Variants in RPS6KA5 observed in about 807,000 individuals in gnomAD.
The protein encoded by RPS6KA5 is ribosomal protein S6 kinase A5, also known as ribosomal protein S6 kinase alpha-5.
A neutral mutation model predicts 85.5 loss-of-function variants in RPS6KA5; 27 were observed. The ratio of observed to expected loss-of-function variants is 0.32; its 90% CI spans 0.23 to 0.44. RPS6KA5 has a LOEUF of 0.44. Among genes scored for constraint, RPS6KA5 ranks in the 20% least tolerant of loss-of-function variants. The probability of loss-of-function intolerance (pLI) is 1.00; values close to 1 mark genes in which losing one functional copy is unlikely to be tolerated. For synonymous variants in RPS6KA5, 334 were observed against 348.2 expected, an observed-to-expected ratio of 0.96 and a Z score of 0.46; for missense variants, 811 against 980.9, an observed-to-expected ratio of 0.83 and a Z score of 2.31.
rs183068871 is a variant in RPS6KA5, at chr14:90,919,114, C to T, written c.806+1092G>A. 1.9e-3 allele frequency among the ~76,000 whole-genome samples: 294 copies of T among 152,280 alleles called. 3 individuals are homozygous for T. Among genetic ancestry groups the T allele is most frequent in the Non-Finnish European group, 3.2e-3 (215 of 68,020 alleles). ...CACTCAATTGAATACCTCTGCACAC[C>T]TCTGGACTTCCCTCTGGGTGCCACT... On this transcript the variant is annotated intron_variant, in intron 7 of 16. Transcript: ENST00000614987.
At chr14:91,024,757 A>T (rs2041921582) in intron 1 of RPS6KA5, among the ~76,000 whole-genome samples, 1 of 152,134 alleles carries the variant, frequency 6.6e-6, no homozygotes. Context: ...TAAACTAACA[A>T]GTCCCAGACC....
intron 1 of RPS6KA5, among the ~76,000 whole-genome samples, chr14:91,011,447 C>G (rs1230510005): frequency 6.6e-6 from 1 of 152,034 alleles, no homozygotes; most frequent in Admixed American, 6.6e-5. Context: ...GATCGCGCCA[C>G]TGCACTCCAG....
intron 1 of RPS6KA5, among the ~76,000 whole-genome samples, chr14:91,046,272 C>A (rs1566904852): frequency 6.6e-6 from 1 of 152,146 alleles, no homozygotes; most frequent in African/African-American, 2.4e-5. Flanking sequence ...ATTCAATAAA[C>A]CCTTATGGGT....
intron 1 of RPS6KA5, among the ~76,000 whole-genome samples, chr14:91,029,893 T>C (rs892450734): frequency 4.6e-5 from 7 of 152,142 alleles, no homozygotes; most frequent in African/African-American, 9.7e-5. Flanking sequence ...AACATTTCCA[T>C]ACCCCCAAAC....
At chr14:90,943,648 T>A (rs1344814390) in intron 4 of RPS6KA5, among the ~76,000 whole-genome samples, 1 of 152,230 alleles carries the variant, frequency 6.6e-6, no homozygotes, top group Non-Finnish European at 1.5e-5. Flanking sequence ...ACATGACTGA[T>A]ATTTTCTAGC....
At chr14:91,001,223 A>C (rs1286147) in intron 1 of RPS6KA5, 64 bp from the exon 2 acceptor site, 185,686 of 969,398 alleles carry the variant, frequency 0.19, 18,864 homozygotes, top group East Asian at 0.28. Context: ...CTCCTGGGGG[A>C]TTCTTGTGTA....
intron 14 of RPS6KA5, among the ~76,000 whole-genome samples, chr14:90,883,980 T>A (rs1346932609): frequency 6.6e-6 from 1 of 152,200 alleles, no homozygotes; most frequent in Admixed American, 6.5e-5. Context: ...GTACTGAATG[T>A]CTGGCTCCCA....
chr14:90,990,512 A>C (rs2040257135), intron 2 of RPS6KA5, among the ~76,000 whole-genome samples: 1 of 152,216 alleles, frequency 6.6e-6, no homozygotes, highest in Non-Finnish European at 1.5e-5. Flanking sequence ...TCAACCCAGA[A>C]ATCCCATTAC....
intron 2 of RPS6KA5, among the ~76,000 whole-genome samples, chr14:90,987,420 G>C (rs919066369): frequency 2.0e-5 from 3 of 151,862 alleles, no homozygotes; most frequent in African/African-American, 7.3e-5. Context: ...GCATCCTCTA[G>C]TAACAAATTA....
At chr14:90,997,516 A>T (rs1478273670) in intron 2 of RPS6KA5, among the ~76,000 whole-genome samples, 1 of 152,114 alleles carries the variant, frequency 6.6e-6, no homozygotes, top group Non-Finnish European at 1.5e-5. Context: ...GTAGCTAGGA[A>T]TACAGGCACA....
chr14:91,060,462 T>A lies in RPS6KA5; in HGVS notation c.-28A>T. 7.1e-7 allele frequency: 1 copy of A among 1,411,786 alleles called. No individual in the cohort carries two copies. The highest frequency in any genetic ancestry group is 1.9e-4 in the Middle Eastern group (1 of 5,274). 87.5% of individuals were successfully genotyped at this position (1,411,786 alleles called of 1,614,324 possible). On this transcript the variant is annotated 5_prime_UTR_variant, in exon 1 of 17. Transcript: ENST00000614987. ...TCTCCTTTTTTTCCGATCCCGCGGG[T>A]CGCTACGAGGGGAACCCAGGAGACA...
intron 8 of RPS6KA5, among the ~76,000 whole-genome samples, chr14:90,904,756 G>T (rs2035409197): frequency 6.6e-6 from 1 of 152,034 alleles, no homozygotes; most frequent in South Asian, 2.1e-4. Context: ...GTAGAATTCT[G>T]GTCTTTCCAA....
chr14:91,051,336 T>C (rs1052612731), intron 1 of RPS6KA5, among the ~76,000 whole-genome samples: 1 of 151,982 alleles, frequency 6.6e-6, no homozygotes, highest in Non-Finnish European at 1.5e-5. Flanking sequence ...CTCCACACTT[T>C]GGGAGGCAGA....
intron 1 of RPS6KA5, among the ~76,000 whole-genome samples, chr14:91,021,223 C>A (rs1353639815): frequency 6.6e-6 from 1 of 152,160 alleles, no homozygotes; most frequent in Non-Finnish European, 1.5e-5. Context: ...CTTTCTGACT[C>A]TTCCACTTCT....
rs371996445 is a variant in RPS6KA5, at chr14:90,994,389, A to AT, written c.175+6698dup. Reference sequence around the variant, plus strand: ...GGTTCTTTCTCCAATCTGTCTGGTCATTTTTTTAGCATGTATTATTCCGTA... The same window carrying AT: ...GGTTCTTTCTCCAATCTGTCTGGTCATTTTTTTTAGCATGTATTATTCCGTA... On this transcript the variant is annotated intron_variant, in intron 2 of 16. Coordinates refer to ENST00000614987, the MANE Select transcript of RPS6KA5 (RefSeq NM_004755.4). Among the ~76,000 whole-genome samples, 1,151 of 151,466 alleles carry AT rather than the reference A, an allele frequency of 7.6e-3. 8 individuals carry two copies. Among genetic ancestry groups the AT allele is most frequent in the Non-Finnish European group, 0.012 (792 of 67,880 alleles).
chr14:90,924,892 T>C (rs2140301902), intron 5 of RPS6KA5, among the ~76,000 whole-genome samples: 1 of 152,364 alleles, frequency 6.6e-6, no homozygotes, highest in South Asian at 2.1e-4. Flanking sequence ...AATTCCTAGC[T>C]TTTATTTGCC....
At chr14:91,053,365 A>G (rs144407085) in intron 1 of RPS6KA5, among the ~76,000 whole-genome samples, 81 of 152,356 alleles carry the variant, frequency 5.3e-4, no homozygotes, top group African/African-American at 1.9e-3. Context: ...AAGGCAATTA[A>G]GCAGGAAATT....
At chr14:90,886,028 G>C (rs1406290479) in intron 14 of RPS6KA5, among the ~76,000 whole-genome samples, 1 of 151,784 alleles carries the variant, frequency 6.6e-6, no homozygotes, top group Non-Finnish European at 1.5e-5. Flanking sequence ...CTTTGTGTCT[G>C]CAAATTGTTT....
chr14:90,892,752 T>C (rs2034635765), intron 13 of RPS6KA5, among the ~76,000 whole-genome samples: 1 of 152,254 alleles, frequency 6.6e-6, no homozygotes, highest in Non-Finnish European at 1.5e-5. Flanking sequence ...TGGGAAAATA[T>C]TAAACTTTTA....
Sources: gnomAD v4.1 joint callset for allele counts (sites outside exome capture counted in the v4.1 genomes callset) on GRCh38, gnomAD v4.1.1 for gene constraint, MANE v1.5 for transcripts, NCBI Gene and HGNC (gene_info 2026-07-23, HGNC 2026-07-21) for gene names.